ERP44: variants seen among roughly 807,000 people sequenced by gnomAD.
The protein encoded by ERP44 is endoplasmic reticulum protein 44, also known as endoplasmic reticulum resident protein 44.
A neutral mutation model predicts 53.4 loss-of-function variants in ERP44; 25 were observed. The ratio of observed to expected loss-of-function variants is 0.47; its 90% CI spans 0.34 to 0.65. The LOEUF (loss-of-function observed/expected upper bound fraction) is 0.65. Among genes scored for constraint, ERP44 ranks in the 30% least tolerant of loss-of-function variants. ERP44 has a pLI of 0.01. For synonymous variants in ERP44, 145 were observed against 161.2 expected (o/e 0.90, Z 0.76); for missense variants, 338 against 493.2 (o/e 0.69, Z 2.98).
chr9:100,093,652 A>G (rs75482070), intron 1 of ERP44, among the ~76,000 whole-genome samples: 32,591 of 149,900 alleles, frequency 0.22, 5,934 homozygotes, highest in African/African-American at 0.51. Context: ...GTGGGGGGGG[A>G]AAAAAAAAGA....
intron 1 of ERP44, among the ~76,000 whole-genome samples, chr9:100,076,564 G>A (rs1014877523): frequency 1.3e-5 from 2 of 152,236 alleles, no homozygotes; most frequent in Non-Finnish European, 2.9e-5. Context: ...AAAACTTCAA[G>A]CAGTGTACCT....
chr9:100,069,895 G>A (rs986410500), intron 1 of ERP44, among the ~76,000 whole-genome samples: 2 of 152,060 alleles, frequency 1.3e-5, no homozygotes, highest in African/African-American at 2.4e-5. Context: ...TCTGTGTTTC[G>A]TTCTTCAGCG....
chr9:100,073,339 A>AT (rs755045000), intron 1 of ERP44, among the ~76,000 whole-genome samples: 7 of 152,226 alleles, frequency 4.6e-5, no homozygotes, highest in Non-Finnish European at 8.8e-5. Flanking sequence ...GCTTGCTTTT[A>AT]TAACTGTTAC....
intron 10 of ERP44, among the ~76,000 whole-genome samples, chr9:100,003,324 T>A (rs7020150): frequency 0.19 from 28,539 of 152,088 alleles, 4,240 homozygotes; most frequent in African/African-American, 0.42. Context: ...TCTGGGAGAT[T>A]ATTGTGCTCT....
intron 10 of ERP44, among the ~76,000 whole-genome samples, chr9:99,999,844 A>G (rs1381675375): frequency 6.6e-6 from 1 of 152,110 alleles, no homozygotes; most frequent in Non-Finnish European, 1.5e-5. Flanking sequence ...TTTTGAGATG[A>G]TATTTGTATA....
At chr9:100,038,413 T>C (rs1587970950) in intron 4 of ERP44, among the ~76,000 whole-genome samples, 1 of 152,292 alleles carries the variant, frequency 6.6e-6, no homozygotes, top group Non-Finnish European at 1.5e-5. Flanking sequence ...TTCATTTGTT[T>C]ATGCAGTGTT....
chr9:100,048,105 G>A (rs1358469068), intron 4 of ERP44, among the ~76,000 whole-genome samples: 9 of 152,070 alleles, frequency 5.9e-5, no homozygotes, highest in Admixed American at 5.2e-4. Flanking sequence ...AGAGCCCACA[G>A]AGTCACACAC....
chr9:100,078,832 T>G (rs1428916055), intron 1 of ERP44, among the ~76,000 whole-genome samples: 1 of 152,224 alleles, frequency 6.6e-6, no homozygotes, highest in Admixed American at 6.5e-5. Context: ...TTTATTGACT[T>G]CATATCAGCA....
At chr9:100,066,958 T>C (rs1564101869) in intron 1 of ERP44, among the ~76,000 whole-genome samples, 1 of 152,192 alleles carries the variant, frequency 6.6e-6, no homozygotes, top group Non-Finnish European at 1.5e-5. Flanking sequence ...AAAATAGGAC[T>C]AAGTATAGAA....
intron 10 of ERP44, among the ~76,000 whole-genome samples, chr9:99,990,404 C>T (rs10988934): frequency 0.47 from 70,764 of 151,990 alleles, 17,762 homozygotes; most frequent in East Asian, 0.9. Context: ...ATTTCATATC[C>T]AGCCAAACTA....
At chr9:100,093,643 T>G (rs4743385) in intron 1 of ERP44, among the ~76,000 whole-genome samples, 101,043 of 150,416 alleles carry the variant, frequency 0.67, 34,937 homozygotes, top group East Asian at 0.91. Context: ...ACCCTGTCTG[T>G]GGGGGGGGAA....
rs1408805299 is a variant in ERP44, at chr9:99,981,827, G to C, written c.*785C>G. Reference sequence around the variant, plus strand: ...TTTGGAAATTGAAGTCTCATAATAGGAGGAGCCTTAAAAGTCATCTAGTTC... The same window carrying C: ...TTTGGAAATTGAAGTCTCATAATAGCAGGAGCCTTAAAAGTCATCTAGTTC... On this transcript the variant is annotated 3_prime_UTR_variant, in exon 12 of 12. Coordinates refer to ENST00000262455, the MANE Select transcript of ERP44 (RefSeq NM_015051.3). 2.0e-5 allele frequency: 3 copies of C among 152,150 alleles called. No homozygotes were observed. Among genetic ancestry groups the C allele is most frequent in the Admixed American group, 1.3e-4 (2 of 15,268 alleles). 9.4% of individuals were successfully genotyped at this position (152,150 alleles called of 1,614,324 possible).
intron 6 of ERP44, among the ~76,000 whole-genome samples, chr9:100,019,219 A>C (rs1168550919): frequency 6.6e-6 from 1 of 152,194 alleles, no homozygotes; most frequent in Non-Finnish European, 1.5e-5. Flanking sequence ...TTCCAGATTC[A>C]GGCTCTGCTG....
intron 4 of ERP44, among the ~76,000 whole-genome samples, chr9:100,034,494 G>A (rs982159023): frequency 2.6e-5 from 4 of 151,992 alleles, no homozygotes; most frequent in Admixed American, 6.6e-5. Flanking sequence ...CAGCCCTTGC[G>A]GCTGCTCTGC....
At chr9:100,005,687 G>C (rs1830418757) in intron 10 of ERP44, among the ~76,000 whole-genome samples, 2 of 152,136 alleles carry the variant, frequency 1.3e-5, no homozygotes, top group Non-Finnish European at 2.9e-5. Context: ...TTAGGATTGG[G>C]AATCTTCTAC....
intron 4 of ERP44, among the ~76,000 whole-genome samples, chr9:100,024,551 T>C (rs1328670816): frequency 6.7e-6 from 1 of 148,640 alleles, no homozygotes; most frequent in East Asian, 1.9e-4. Flanking sequence ...AGGGATGAAT[T>C]CCCTGACTAT....
chr9:100,042,428 G>A (rs769779000), intron 4 of ERP44, among the ~76,000 whole-genome samples: 1 of 152,262 alleles, frequency 6.6e-6, no homozygotes, highest in East Asian at 1.9e-4. Flanking sequence ...CGAGTATAAG[G>A]TGAAAAGAGA....
At chr9:100,035,964 C>T (rs1005908960) in intron 4 of ERP44, among the ~76,000 whole-genome samples, 2 of 152,092 alleles carry the variant, frequency 1.3e-5, no homozygotes, top group Non-Finnish European at 2.9e-5. Context: ...GTAAACTACT[C>T]CAACTGTGGA....
chr9:100,082,774 C>T (rs543173357), intron 1 of ERP44, among the ~76,000 whole-genome samples: 21 of 149,608 alleles, frequency 1.4e-4, no homozygotes, highest in South Asian at 6.3e-4. Flanking sequence ...AAAAAATCCA[C>T]GTATAAGTAG....
Sources: gnomAD v4.1 joint callset for allele counts (sites outside exome capture counted in the v4.1 genomes callset) on GRCh38, gnomAD v4.1.1 for gene constraint, MANE v1.5 for transcripts, NCBI Gene and HGNC (gene_info 2026-07-23, HGNC 2026-07-21) for gene names.